GCFC2: variants seen among roughly 807,000 people sequenced by gnomAD.
The protein encoded by GCFC2 is GC-rich sequence DNA-binding factor 2, also known as intron Large complex component GCFC2.
A neutral mutation model predicts 99.4 loss-of-function variants in GCFC2; 102 were observed. The ratio of observed to expected loss-of-function variants is 1.03; its 90% CI spans 0.87 to 1.21. The LOEUF is 1.21. GCFC2 is among the 50% of genes most tolerant of loss of function. GCFC2 has a pLI of 0.00. For missense variants in GCFC2, 973 were observed against 920.9 expected (o/e 1.06, Z -0.73); for synonymous variants, 338 against 316.8 (o/e 1.07, Z -0.71).
chr2:75,691,440 C>T (rs765322039), intron 7 of GCFC2, among the ~76,000 whole-genome samples: 8 of 152,082 alleles, frequency 5.3e-5, no homozygotes, highest in Non-Finnish European at 1.2e-4. Flanking sequence ...TTATGATCCA[C>T]TAAGGGTTGT....
chr2:75,673,569 T>A, intron 12 of GCFC2, 49 bp from the exon 13 acceptor site: 1 of 806,492 alleles, frequency 1.2e-6, no homozygotes, highest in Non-Finnish European at 2.1e-6. Context: ...TAGAAATGTA[T>A]TTACCAAAAA....
At chr2:75,671,733 T>C (rs2104216986) in intron 14 of GCFC2, among the ~76,000 whole-genome samples, 1 of 150,790 alleles carries the variant, frequency 6.6e-6, no homozygotes, top group East Asian at 1.9e-4. Flanking sequence ...CAAATTTCAG[T>C]GTTCATAAGT....
rs1274861988 is a variant in GCFC2, at chr2:75,665,945, A to T, written c.2212T>A (p.Ser738Thr). The change falls in exon 16 of 17, where the codon TCT (serine) becomes ACT (threonine). Residue 738 changes from serine to threonine, a missense_variant. By Grantham distance (58) the Ser-to-Thr change is moderately conservative. Coordinates refer to ENST00000321027, the MANE Select transcript of GCFC2 (RefSeq NM_003203.5). ...ATGCATTACCTGAATTCACTTCTAG[A>T]TAATTTATGTGCAGACTGCAATAAA... ...QFLLQSAHKL[S>T]RSEFRDEVEE... 1.9e-6 allele frequency: 3 copies of T among 1,590,934 alleles called. No homozygotes were observed. The highest frequency in any genetic ancestry group is 1.7e-6 in the Non-Finnish European group (2 of 1,162,186).
chr2:75,690,575 T>C, intron 8 of GCFC2, 63 bp downstream of exon 8: 1 of 788,168 alleles, frequency 1.3e-6, no homozygotes, highest in South Asian at 1.5e-5. Context: ...GTTAATTATA[T>C]TTCAGTAGTG....
upstream of GCFC2, chr2:75,710,944 C>T (rs550124371): frequency 4.4e-6 from 6 of 1,369,352 alleles, no homozygotes; most frequent in East Asian, 1.5e-4. Context: ...GCTCCCGCCG[C>T]GCCTGGCCGC....
chr2:75,664,581 A>G lies in GCFC2; in HGVS notation c.*85T>C. ...TCCTACCTTCTATTACAGGGAATAA[A>G]GAAGAGAGAGGCACCAGCTTCTTCT... is the stretch of plus-strand genomic sequence containing the variant. On this transcript the variant is annotated 3_prime_UTR_variant, in exon 17 of 17. Transcript: ENST00000321027. The G allele has an allele frequency of 1.5e-6, 1 of 670,038 alleles. No individual in the cohort carries two copies. The highest frequency in any genetic ancestry group is 2.6e-5 in the East Asian group (1 of 38,930). The allele number at this position is 670,038 out of a possible 1,614,324, so 41.5% of individuals were successfully genotyped here. A position where few individuals can be genotyped will look rare whatever the true frequency, so the allele number is the denominator to read the frequency against.
intron 11 of GCFC2, among the ~76,000 whole-genome samples, chr2:75,686,339 G>C (rs1268520492): frequency 6.6e-6 from 1 of 152,038 alleles, no homozygotes; most frequent in Non-Finnish European, 1.5e-5. Flanking sequence ...GTGCTCAAGC[G>C]ATCCTTCTGC....
At chr2:75,711,332 T>A (rs1484486840), upstream of GCFC2, 1 of 337,300 alleles carries the variant, frequency 3.0e-6, no homozygotes, top group East Asian at 1.7e-4. Context: ...GGAGATGCCT[T>A]TGAGAACAAA....
At chr2:75,689,839 G>A in intron 9 of GCFC2, 130 bp downstream of exon 9, 1 of 592,720 alleles carries the variant, frequency 1.7e-6, no homozygotes, top group Non-Finnish European at 3.0e-6. Context: ...GAGGAAAAAT[G>A]TGTTTCATTT....
intron 8 of GCFC2, 69 bp from the exon 9 acceptor site, chr2:75,690,150 T>A: frequency 1.2e-6 from 1 of 837,932 alleles, no homozygotes; most frequent in East Asian, 2.5e-5. Context: ...ATGCCTAAAT[T>A]TTTTTTAACC....
Position 75,663,079 on chromosome 2 carries a change from GA to G in GCFC2, c.*1586del, listed in dbSNP as rs1319522801. 6.6e-6 allele frequency: 1 copy of G among 152,114 alleles called. No homozygotes were observed. The highest frequency in any genetic ancestry group is 1.5e-5 in the Non-Finnish European group (1 of 67,984). The allele number at this position is 152,114 out of a possible 1,614,324, so 9.4% of individuals were successfully genotyped here. A position where few individuals can be genotyped will look rare whatever the true frequency, so the allele number is the denominator to read the frequency against. ...ACAATAGTTTGCATTTTCTAGATGA[GA>G]TTCTATCCTTGTATAATTTTGTTAC... On this transcript the variant is annotated 3_prime_UTR_variant, in exon 17 of 17. Transcript: ENST00000321027.
intron 15 of GCFC2, among the ~76,000 whole-genome samples, chr2:75,666,440 G>A (rs1019013329): frequency 5.3e-5 from 8 of 152,128 alleles, no homozygotes; most frequent in African/African-American, 1.7e-4. Context: ...TAAAGAAATT[G>A]GATGGCCTAG....
rs1200521688 is a variant in GCFC2, at chr2:75,696,273, C to T, written c.760G>A (p.Val254Met). Reference sequence around the variant, plus strand: ...GAAATGGAAGTATCAAATTTCTTCACTTTTGAAGATCCATTGCCACAGGAA... The same window carrying T: ...GAAATGGAAGTATCAAATTTCTTCATTTTTGAAGATCCATTGCCACAGGAA... The part of the protein sequence containing the change: ...DLSCGNGSSK[V>M]KKFDTSISFP... Residue 254 changes from valine to methionine, a missense_variant, in exon 5 of 17, where the codon GTG becomes ATG. By Grantham distance (21) the Val-to-Met change is conservative (BLOSUM62 1). Transcript: ENST00000321027. 6.6e-7 allele frequency: 1 copy of T among 1,524,054 alleles called. No individual in the cohort carries two copies. The allele number at this position is 1,524,054 out of a possible 1,614,324, so 94.4% of individuals were successfully genotyped here. A position where few individuals can be genotyped will look rare whatever the true frequency, so the allele number is the denominator to read the frequency against.
At chr2:75,699,302 G>T (rs1680469584) in intron 4 of GCFC2, among the ~76,000 whole-genome samples, 1 of 152,154 alleles carries the variant, frequency 6.6e-6, no homozygotes. Context: ...GACATAAATT[G>T]TATAAAATTC....
At position 75,666,002 on chromosome 2, in the gene GCFC2, A is replaced by C; in HGVS notation, c.2155T>G (p.Ser719Ala). Residue 719 changes from serine to alanine, a missense_variant, in exon 16 of 17, where the codon TCT becomes GCT. Physicochemically the swap from Ser to Ala is moderately conservative, Grantham distance 99 (BLOSUM62 1). Coordinates refer to ENST00000321027, the MANE Select transcript of GCFC2 (RefSeq NM_003203.5). ...KWFENSAMRT[S>A]IPQLENFIQF... The stretch of plus-strand genomic sequence containing the variant: ...ATGAAGTTTTCTAGCTGTGGAATAG[A>C]TGTCCTCATGGCAGAATTTTCAAAC... The C allele has an allele frequency of 1.2e-6, 2 of 1,603,382 alleles. No individual in the cohort carries two copies. Among genetic ancestry groups the C allele is most frequent in the Non-Finnish European group, 1.7e-6 (2 of 1,170,936 alleles).
chr2:75,690,536 A>C (rs553424966), intron 8 of GCFC2, 102 bp downstream of exon 8: 19 of 711,254 alleles, frequency 2.7e-5, no homozygotes, highest in Non-Finnish European at 4.4e-5. Context: ...TTAATAATGT[A>C]TATCAGGTAT....
intron 13 of GCFC2, among the ~76,000 whole-genome samples, chr2:75,672,245 ATGTT>A (rs1679129624): frequency 3.1e-5 from 2 of 65,468 alleles, no homozygotes; most frequent in Non-Finnish European, 7.1e-5. Context: ...ATTTATAAAT[ATGTT>A]TATAAAATAT....
chr2:75,668,432 G>C (rs1217136113), intron 15 of GCFC2, among the ~76,000 whole-genome samples: 1 of 152,110 alleles, frequency 6.6e-6, no homozygotes, highest in Non-Finnish European at 1.5e-5. Context: ...CCCTGTAACT[G>C]GTTGCAAAAA....
rs116364979 is a variant in GCFC2, at chr2:75,691,445, G to C, written c.1144+532C>G. On this transcript the variant is annotated intron_variant, in intron 7 of 16. Coordinates refer to ENST00000321027, the MANE Select transcript of GCFC2 (RefSeq NM_003203.5). The stretch of plus-strand genomic sequence containing the variant: ...ATACCATTATTTATGATCCACTAAG[G>C]GTTGTGTGTTTCACTGAAAGTCACT... 9.3e-3 allele frequency among the ~76,000 whole-genome samples: 1,413 copies of C among 151,992 alleles called. 12 individuals are homozygous for C. Among genetic ancestry groups the C allele is most frequent in the South Asian group, 0.013 (60 of 4,794 alleles).
Sources: gnomAD v4.1 joint callset for allele counts (sites outside exome capture counted in the v4.1 genomes callset) on GRCh38, gnomAD v4.1.1 for gene constraint, MANE v1.5 for transcripts, NCBI Gene and HGNC (gene_info 2026-07-23, HGNC 2026-07-21) for gene names.